Variants in ZC3H7B observed in about 807,000 individuals in gnomAD.
ZC3H7B encodes zinc finger CCCH-type containing 7B.
ZC3H7B carries 35 observed loss-of-function variants against 116.0 expected under a neutral mutation model. The observed-to-expected ratio is 0.30, with a 90% CI of 0.23 to 0.40. ZC3H7B has a LOEUF of 0.40. Among genes scored for constraint, ZC3H7B ranks in the 10% least tolerant of loss-of-function variants. The pLI, the probability that ZC3H7B is intolerant of heterozygous loss-of-function variation, is 1.00. For missense variants in ZC3H7B, 1,011 were observed against 1,321.5 expected (o/e 0.77, Z 3.64); for synonymous variants, 502 against 545.6 (o/e 0.92, Z 1.11).
chr22:41,311,256 C>A lies in ZC3H7B; in HGVS notation c.-6-9399C>A, dbSNP rs189851045. ...AGATGTTGAGGGTCCGAGAGGTGGC[C>A]GTGCTTGTGGAGAGGATATGAGGGG... On this transcript the variant is annotated intron_variant, in intron 1 of 22. Transcript: ENST00000352645. Among the ~76,000 whole-genome samples the A allele has an allele frequency of 4.0e-4, 60 of 151,546 alleles. No homozygotes were observed. The East Asian group carries it at 9.1e-3, about 23-fold the overall frequency.
rs1196563515 is a variant in ZC3H7B at position 41,340,206 on chromosome 22, C to T, written c.1138+69C>T. The T allele has an allele frequency of 4.8e-6, 7 of 1,470,708 alleles. No homozygotes were observed. In the East Asian group the frequency reaches 1.6e-4, roughly 34 times the overall value. 91.1% of individuals were successfully genotyped at this position (1,470,708 alleles called of 1,614,324 possible). A position where few individuals can be genotyped will look rare whatever the true frequency, so the allele number is the denominator to read the frequency against. On this transcript the variant is annotated intron_variant, in intron 10 of 22. Transcript: ENST00000352645. Reference sequence around the variant, plus strand: ...CACAGTGCTGTGGCCTCTTTGGTGCCTGGAGAGTGGAGTTGAGTTACAGAT... The same window carrying T: ...CACAGTGCTGTGGCCTCTTTGGTGCTTGGAGAGTGGAGTTGAGTTACAGAT...
rs773743348 is a variant in ZC3H7B, at chr22:41,327,164, G to A, written c.286-42G>A. On this transcript the variant is annotated intron_variant, in intron 4 of 22. Transcript: ENST00000352645. This position sits in a 1 kb window ranked among gnomAD's most constrained non-coding sequence, Gnocchi z 4.5. The stretch of plus-strand genomic sequence containing the variant: ...GGGCAGGAGGCCTGGGGGAGGGAGG[G>A]TAACAGGTGTTGACCAGTGACCACA... 6 of 1,604,418 alleles carry A rather than the reference G, an allele frequency of 3.7e-6. No homozygotes were observed. The South Asian group carries it at 6.6e-5, about 18-fold the overall frequency.
chr22:41,339,106 G>C lies in ZC3H7B; in HGVS notation c.731G>C (p.Arg244Thr). The C allele has an allele frequency of 6.2e-7, 1 of 1,612,674 alleles. No individual in the cohort carries two copies. The change falls in exon 9 of 23, where the codon AGG (arginine) becomes ACG (threonine). Residue 244 changes from arginine to threonine, a missense_variant. Arg to Thr is a moderately conservative substitution (Grantham distance 71). Coordinates refer to ENST00000352645, the MANE Select transcript of ZC3H7B (RefSeq NM_017590.6). Reference protein sequence around the residue: ...LDLLAPLDSSRTLPSTDSLDD... With the variant: ...LDLLAPLDSSTTLPSTDSLDD... Reference sequence around the variant, plus strand: ...CTGCTGGCCCCCCTGGACAGCAGCAGGACCCTCCCCAGCACCGACAGCCTG... The same window carrying C: ...CTGCTGGCCCCCCTGGACAGCAGCACGACCCTCCCCAGCACCGACAGCCTG...
chr22:41,332,925 A>G (rs1182332373), intron 7 of ZC3H7B: 1 of 152,324 alleles, frequency 6.6e-6, no homozygotes, highest in Non-Finnish European at 1.5e-5. Context: ...CCCAAGGGCC[A>G]AGACACTTGT....
At chr22:41,331,123 C>T (rs539082366) in intron 6 of ZC3H7B, among the ~76,000 whole-genome samples, 2 of 144,232 alleles carry the variant, frequency 1.4e-5, no homozygotes, top group South Asian at 2.5e-4. Context: ...TCCCAAAGTG[C>T]TGGGATTACA....
chr22:41,320,606 G>T, intron 1 of ZC3H7B, 49 bp from the exon 2 acceptor site: 1 of 1,608,666 alleles, frequency 6.2e-7, no homozygotes, highest in South Asian at 1.1e-5. Context: ...GTGGCTGACG[G>T]CAGCCTGGCT....
chr22:41,355,350 A>G, intron 17 of ZC3H7B, 119 bp from the exon 18 acceptor site: 1 of 1,400,876 alleles, frequency 7.1e-7, no homozygotes. Flanking sequence ...CCTGCCAGGA[A>G]GACCTGGGAG....
chr22:41,354,225 A>G (rs973092046), intron 17 of ZC3H7B, among the ~76,000 whole-genome samples: 1 of 152,180 alleles, frequency 6.6e-6, no homozygotes, highest in Non-Finnish European at 1.5e-5. Context: ...AGAAATGGTA[A>G]TAATGCCTTC....
rs749552461 is a variant in ZC3H7B, at chr22:41,355,878, G to T, written c.2274+16G>T. 6.2e-7 allele frequency: 1 copy of T among 1,613,110 alleles called. No individual in the cohort carries two copies. The highest frequency in any genetic ancestry group is 8.5e-7 in the Non-Finnish European group (1 of 1,179,628). On this transcript the variant is annotated intron_variant, in intron 19 of 22. Transcript: ENST00000352645. ...GCAATACGATGTGAGCGCTGGGATG[G>T]GGGGCTGGGGGTCCCCCAGGAGGCA...
At chr22:41,345,786 G>C (rs954614450) in intron 13 of ZC3H7B, among the ~76,000 whole-genome samples, 1 of 152,020 alleles carries the variant, frequency 6.6e-6, no homozygotes, top group Non-Finnish European at 1.5e-5. Flanking sequence ...CTGCGTTGGG[G>C]TGCAGAAGGG....
chr22:41,337,092 C>T (rs576246430), intron 7 of ZC3H7B, among the ~76,000 whole-genome samples: 1 of 151,496 alleles, frequency 6.6e-6, no homozygotes, highest in African/African-American at 2.4e-5. Flanking sequence ...GCCAAGATCG[C>T]ACCATTGCAC....
chr22:41,309,538 C>T (rs190344788), intron 1 of ZC3H7B, among the ~76,000 whole-genome samples: 1 of 151,082 alleles, frequency 6.6e-6, no homozygotes, highest in Non-Finnish European at 1.5e-5. Flanking sequence ...TGGTCTTGAA[C>T]TCCTGGCCTC....
At chr22:41,308,888 G>A (rs1179985974) in intron 1 of ZC3H7B, among the ~76,000 whole-genome samples, 2 of 151,932 alleles carry the variant, frequency 1.3e-5, no homozygotes, top group East Asian at 1.9e-4. Context: ...GCCATTGCCT[G>A]TGCCCTGTCC....
At chr22:41,314,091 A>G (rs1350437122) in intron 1 of ZC3H7B, among the ~76,000 whole-genome samples, 2 of 151,370 alleles carry the variant, frequency 1.3e-5, no homozygotes, top group Non-Finnish European at 2.9e-5. Flanking sequence ...GAGTATCTTA[A>G]TAATTTATTT....
In ZC3H7B at chr22:41,348,207, A is replaced by G. The variant is rs778792927; in HGVS notation, c.1766+40A>G. ...CAGCCCAGGCTGAGGCCTAGGGGCC[A>G]GTGGAGAGTCCCCTCAGGCAGCTCA... On this transcript the variant is annotated intron_variant, in intron 15 of 22. Coordinates refer to ENST00000352645, the MANE Select transcript of ZC3H7B (RefSeq NM_017590.6). 10 of 1,564,754 alleles carry G rather than the reference A, an allele frequency of 6.4e-6. No individual in the cohort carries two copies. The Admixed American group carries it at 1.2e-4, about 18-fold the overall frequency.
intron 18 of ZC3H7B, 26 bp from the exon 19 acceptor site, chr22:41,355,731 C>T: frequency 6.2e-7 from 1 of 1,613,720 alleles, no homozygotes; most frequent in Non-Finnish European, 8.5e-7. Flanking sequence ...GCCCTGACCT[C>T]TCCCCAACCC....
At chr22:41,318,547 A>T (rs914707282) in intron 1 of ZC3H7B, among the ~76,000 whole-genome samples, 1 of 150,446 alleles carries the variant, frequency 6.6e-6, no homozygotes, top group Non-Finnish European at 1.5e-5. Flanking sequence ...AAAAAAAAAA[A>T]GACCAGCCTG....
chr22:41,341,492 C>A (rs2036521995), intron 11 of ZC3H7B, among the ~76,000 whole-genome samples: 1 of 152,110 alleles, frequency 6.6e-6, no homozygotes, highest in Admixed American at 6.5e-5. Flanking sequence ...GCCTGTAATC[C>A]CAGCACTTTG....
intron 2 of ZC3H7B, among the ~76,000 whole-genome samples, chr22:41,322,864 TCAAG>T (rs921530132): frequency 7.9e-5 from 12 of 152,294 alleles, no homozygotes; most frequent in African/African-American, 2.9e-4. Context: ...TCTCCCGGGC[TCAAG>T]CAGTTTTCCT....
Sources: gnomAD v4.1 joint callset for allele counts (sites outside exome capture counted in the v4.1 genomes callset) on GRCh38, gnomAD v4.1.1 for gene constraint, Gnocchi (gnomAD v3.1) non-coding constraint, MANE v1.5 for transcripts, NCBI Gene and HGNC (gene_info 2026-07-23, HGNC 2026-07-21) for gene names.